Variants in ATG5 observed in about 807,000 individuals in gnomAD.
ATG5 encodes autophagy protein 5.
Under a neutral mutation model 36.5 loss-of-function variants are expected in ATG5, and 14 were observed. The ratio of observed to expected loss-of-function variants is 0.38; its 90% CI spans 0.25 to 0.60. The LOEUF is 0.60. Among genes scored for constraint, ATG5 ranks in the 20% least tolerant of loss-of-function variants. The pLI is 0.60. For synonymous variants in ATG5, 95 were observed against 101.5 expected, an observed-to-expected ratio of 0.94 and a Z score of 0.38; for missense variants, 195 against 326.7, an observed-to-expected ratio of 0.60 and a Z score of 3.11.
chr6:106,308,446 C>G lies in ATG5; in HGVS notation c.154G>C (p.Val52Leu). ...VSYLTLVTDK[V>L]KKHFQKVMRQ... Reference sequence around the variant, plus strand: ...ATAACCTTCTGAAAGTGCTTTTTCACTTTGTCAGTTACCAACGTCAAATAA... The same window carrying G: ...ATAACCTTCTGAAAGTGCTTTTTCAGTTTGTCAGTTACCAACGTCAAATAA... Residue 52 changes from valine (V) to leucine (L), a missense_variant, in exon 3 of 8, where the codon GTG becomes CTG. By Grantham distance (32) the Val-to-Leu change is conservative. Transcript: ENST00000369076. The G allele has an allele frequency of 6.3e-7, 1 of 1,598,856 alleles. No homozygotes were observed. The highest frequency in any genetic ancestry group is 8.5e-7 in the Non-Finnish European group (1 of 1,173,182).
intron 5 of ATG5, among the ~76,000 whole-genome samples, chr6:106,273,595 G>A (rs557610041): frequency 2.0e-5 from 3 of 151,240 alleles, no homozygotes; most frequent in African/African-American, 4.9e-5. Flanking sequence ...GGGAATTGGG[G>A]AAGGGGTAGA....
chr6:106,241,823 T>C (rs945096542), intron 6 of ATG5, among the ~76,000 whole-genome samples: 1 of 152,110 alleles, frequency 6.6e-6, no homozygotes, highest in Non-Finnish European at 1.5e-5. Context: ...CACCCTGGCT[T>C]GGTGAGTCCA....
At chr6:106,263,303 T>C (rs1312536873) in intron 5 of ATG5, among the ~76,000 whole-genome samples, 3 of 152,146 alleles carry the variant, frequency 2.0e-5, no homozygotes, top group Admixed American at 6.5e-5. Context: ...TTCCTCCTCA[T>C]TGGGCAGGGC....
chr6:106,253,677 C>T (rs1332954859), intron 5 of ATG5, among the ~76,000 whole-genome samples: 1 of 152,080 alleles, frequency 6.6e-6, no homozygotes, highest in Admixed American at 6.6e-5. Flanking sequence ...TATGTTTATC[C>T]CCTGTGCACA....
chr6:106,266,464 T>C (rs558843006), intron 5 of ATG5, among the ~76,000 whole-genome samples: 260 of 152,136 alleles, frequency 1.7e-3, no homozygotes, highest in Non-Finnish European at 3.0e-3. Context: ...TTCCAAACAA[T>C]AGAAAAAGAG....
At chr6:106,323,279 T>TTTC (rs1254266799) in intron 1 of ATG5, among the ~76,000 whole-genome samples, 15 of 144,190 alleles carry the variant, frequency 1.0e-4, no homozygotes, top group South Asian at 4.5e-4. Flanking sequence ...TTTTTTTTTT[T>TTTC]TTTTTTTAAA....
intron 3 of ATG5, chr6:106,304,280 T>C (rs528291018): frequency 6.6e-6 from 1 of 152,144 alleles, no homozygotes; most frequent in African/African-American, 2.4e-5. Flanking sequence ...CACAGTAAAA[T>C]TTTTTTAAAT....
chr6:106,235,859 G>T (rs1301521675), intron 6 of ATG5, among the ~76,000 whole-genome samples: 1 of 151,982 alleles, frequency 6.6e-6, no homozygotes, highest in African/African-American at 2.4e-5. Context: ...ACAATAAAAG[G>T]AATACATTTT....
chr6:106,272,028 C>T (rs1358096719), intron 5 of ATG5, among the ~76,000 whole-genome samples: 3 of 152,178 alleles, frequency 2.0e-5, no homozygotes, highest in Non-Finnish European at 4.4e-5. Flanking sequence ...GTGAGGACTT[C>T]CCTGACCATC....
chr6:106,319,241 T>C (rs1395989691), intron 1 of ATG5, among the ~76,000 whole-genome samples: 2 of 152,158 alleles, frequency 1.3e-5, no homozygotes, highest in East Asian at 1.9e-4. Flanking sequence ...AACAAGAACA[T>C]GTCTCAAAAA....
chr6:106,218,920 T>C (rs889324019), intron 6 of ATG5, among the ~76,000 whole-genome samples: 15 of 152,002 alleles, frequency 9.9e-5, no homozygotes, highest in Non-Finnish European at 1.5e-4. Flanking sequence ...TGCTCTACTA[T>C]GTAGTAAAAA....
intron 5 of ATG5, among the ~76,000 whole-genome samples, chr6:106,259,688 G>C (rs1050169889): frequency 6.6e-6 from 1 of 152,114 alleles, no homozygotes; most frequent in African/African-American, 2.4e-5. Flanking sequence ...ATGTAAAAGA[G>C]TTATAGAGTT....
At chr6:106,301,288 C>T (rs987019024) in intron 3 of ATG5, among the ~76,000 whole-genome samples, 2 of 151,970 alleles carry the variant, frequency 1.3e-5, no homozygotes, top group South Asian at 2.1e-4. Context: ...CTCTACAAAT[C>T]GACAACAACA....
At chr6:106,254,015 G>A (rs562036607) in intron 5 of ATG5, among the ~76,000 whole-genome samples, 10 of 152,116 alleles carry the variant, frequency 6.6e-5, no homozygotes, top group Non-Finnish European at 8.8e-5. Context: ...AGATCTCACT[G>A]TCTACCTTAC....
intron 3 of ATG5, among the ~76,000 whole-genome samples, chr6:106,306,818 G>A (rs753780572): frequency 2.0e-5 from 3 of 151,752 alleles, no homozygotes; most frequent in Admixed American, 6.6e-5. Context: ...CCTTTAAGTC[G>A]CCTTCCCATT....
chr6:106,277,415 A>G (rs1367310538), intron 5 of ATG5, among the ~76,000 whole-genome samples: 1 of 152,268 alleles, frequency 6.6e-6, no homozygotes, highest in Non-Finnish European at 1.5e-5. Flanking sequence ...CATGCAAGTT[A>G]AAACTAAGCA....
chr6:106,281,321 T>C (rs1401509903), intron 4 of ATG5, among the ~76,000 whole-genome samples: 1 of 152,158 alleles, frequency 6.6e-6, no homozygotes, highest in African/African-American at 2.4e-5. Flanking sequence ...CCCACAAAAG[T>C]TCCTCTGTGC....
At chr6:106,313,571 T>C (rs1770734812) in intron 2 of ATG5, among the ~76,000 whole-genome samples, 1 of 152,074 alleles carries the variant, frequency 6.6e-6, no homozygotes, top group Non-Finnish European at 1.5e-5. Flanking sequence ...AAATACAAAT[T>C]GAAAAGTTAT....
At chr6:106,296,255 C>T (rs754700703) in intron 3 of ATG5, among the ~76,000 whole-genome samples, 5 of 151,424 alleles carry the variant, frequency 3.3e-5, no homozygotes, top group Non-Finnish European at 7.4e-5. Context: ...TAGTAATTAC[C>T]ACATGGAGCT....
Sources: gnomAD v4.1 joint callset for allele counts (sites outside exome capture counted in the v4.1 genomes callset) on GRCh38, gnomAD v4.1.1 for gene constraint, MANE v1.5 for transcripts, NCBI Gene and HGNC (gene_info 2026-07-23, HGNC 2026-07-21) for gene names.